Variants in CPZ observed in about 807,000 individuals in gnomAD.
The protein encoded by CPZ is VEZT/CPZ fusion.
A neutral mutation model predicts 61.8 loss-of-function variants in CPZ; 103 were observed. That is an observed-to-expected ratio of 1.67 (90% CI 1.42 to 1.96). The LOEUF is 1.96. Ranked by LOEUF, CPZ falls within the 30% of genes most tolerant of loss-of-function variation. The pLI is 0.00. For missense variants in CPZ, 1,461 were observed against 914.9 expected (o/e 1.60, Z -7.70); for synonymous variants, 551 against 373.7 (o/e 1.47, Z -5.47).
At chr4:8,603,937 G>T in intron 3 of CPZ, 39 bp from the exon 4 acceptor site, 1 of 1,582,604 alleles carries the variant, frequency 6.3e-7, no homozygotes. Context: ...GGAAGCCTGG[G>T]GGCCTGACAC....
rs1164190173 is a variant in CPZ, at chr4:8,618,507, A to T, written c.1582A>T (p.Ile528Phe). 6.2e-7 allele frequency: 1 copy of T among 1,614,018 alleles called. No individual in the cohort carries two copies. Among genetic ancestry groups the T allele is most frequent in the East Asian group, 2.2e-5 (1 of 44,872 alleles). Residue 528 changes from isoleucine to phenylalanine, a missense_variant, in exon 10 of 11, where the codon ATT becomes TTT. Physicochemically the swap from Ile to Phe is conservative, Grantham distance 21. Transcript: ENST00000360986. ...VKNARISVKGIRHDITTAPDG... is the reference protein window; with the variant it reads ...VKNARISVKGFRHDITTAPDG... ...AAACGCCCGGATCTCAGTCAAAGGC[A>T]TTCGCCACGACATCACCACAGGTGA...
Position 8,619,542 on chromosome 4 carries a change from C to T in CPZ, c.1884C>T (p.Asp628=), listed in dbSNP as rs61734024. Residue 628 remains aspartate, a synonymous_variant, in exon 11 of 11, where the codon GAC becomes GAT. Transcript: ENST00000360986. ...GGGCGCGCAGGCAGCCCTCGGCCGACGGGAGTAAGCCCTGGTGGTGGTCCT... is the reference window on the plus strand; with the variant it reads ...GGGCGCGCAGGCAGCCCTCGGCCGATGGGAGTAAGCCCTGGTGGTGGTCCT... ...PLRARRQPSA[D]GSKPWWWSYF... is the part of the protein sequence containing the mutation. 21,369 of 1,570,306 alleles carry T rather than the reference C, an allele frequency of 0.014. 178 individuals are homozygous for T. Among genetic ancestry groups the T allele is most frequent in the Middle Eastern group, 0.037 (214 of 5,714 alleles).
chr4:8,608,477 G>C (rs927595396), intron 7 of CPZ, among the ~76,000 whole-genome samples: 2 of 152,202 alleles, frequency 1.3e-5, no homozygotes, highest in Non-Finnish European at 2.9e-5. Context: ...TTGGCACTCA[G>C]GTATCAGCCC....
chr4:8,618,139 C>T (rs1242506284), intron 9 of CPZ: 5 of 413,524 alleles, frequency 1.2e-5, no homozygotes, highest in African/African-American at 8.1e-5. Flanking sequence ...GGAAAGGGTT[C>T]TCTGCTCAAT....
rs1158986254 is a variant in CPZ, at chr4:8,612,125, C to A, written c.1326C>A (p.Ser442Arg). 1 of 1,590,472 alleles carries A rather than the reference C, an allele frequency of 6.3e-7. No homozygotes were observed. The highest frequency in any genetic ancestry group is 1.1e-5 in the South Asian group (1 of 90,350). Residue 442 changes from serine (S) to arginine (R), a missense_variant, in exon 8 of 11, where the codon AGC becomes AGA. Coordinates refer to ENST00000360986, the MANE Select transcript of CPZ (RefSeq NM_001014447.3). ...GAGGCAATTTCCTGAAGAGGGGGAG[C>A]ATCATCAACGGGGCGGACTGGTACA... ...RCGGNFLKRG[S>R]IINGADWYSF...
chr4:8,617,233 A>C (rs936088780), intron 9 of CPZ, among the ~76,000 whole-genome samples: 4 of 152,254 alleles, frequency 2.6e-5, no homozygotes, highest in African/African-American at 9.6e-5. Context: ...GTCCTGCAGA[A>C]GCCAGAGCTG....
chr4:8,613,445 C>A (rs929727878), intron 8 of CPZ, among the ~76,000 whole-genome samples: 1 of 152,184 alleles, frequency 6.6e-6, no homozygotes, highest in African/African-American at 2.4e-5. Context: ...CCCTCTTGCC[C>A]CTGATACGGC....
In CPZ at chr4:8,593,570, A is replaced by T. The variant is rs374001826; in HGVS notation, c.88+649A>T. Reference sequence around the variant, plus strand: ...GGATCCTGGGCTCCCGTCTGGCCTCACGGCCTCTCCAGGTGTGGGGGTGCA... The same window carrying T: ...GGATCCTGGGCTCCCGTCTGGCCTCTCGGCCTCTCCAGGTGTGGGGGTGCA... On this transcript the variant is annotated intron_variant, in intron 1 of 10. Transcript: ENST00000360986. 1.1e-4 allele frequency among the ~76,000 whole-genome samples: 16 copies of T among 152,284 alleles called. No homozygotes were observed. The East Asian group carries it at 2.7e-3, about 26-fold the overall frequency.
chr4:8,618,571 A>T, intron 10 of CPZ, 43 bp downstream of exon 10: 1 of 1,584,248 alleles, frequency 6.3e-7, no homozygotes, highest in Non-Finnish European at 8.6e-7. Context: ...ACGTCTGCCA[A>T]GGAAATGCCA....
chr4:8,593,410 G>A (rs964539764), intron 1 of CPZ, among the ~76,000 whole-genome samples: 17 of 152,230 alleles, frequency 1.1e-4, no homozygotes, highest in South Asian at 8.3e-4. Flanking sequence ...GCTGGGAGGG[G>A]GCGTGGGCCC....
intron 7 of CPZ, among the ~76,000 whole-genome samples, chr4:8,608,892 G>A (rs1288947988): frequency 1.3e-5 from 2 of 152,168 alleles, no homozygotes; most frequent in Admixed American, 1.3e-4. Context: ...CAGCAGGAAT[G>A]GGGAGAGCAA....
At chr4:8,612,628 C>G (rs1475380142) in intron 8 of CPZ, among the ~76,000 whole-genome samples, 1 of 152,196 alleles carries the variant, frequency 6.6e-6, no homozygotes, top group African/African-American at 2.4e-5. Context: ...TCTCTGGAGC[C>G]CGACTTGAAG....
intron 7 of CPZ, among the ~76,000 whole-genome samples, chr4:8,608,422 C>G (rs998844308): frequency 6.6e-6 from 1 of 152,188 alleles, no homozygotes; most frequent in Non-Finnish European, 1.5e-5. Context: ...ATCGTTTGTT[C>G]TCCTTTCTGA....
intron 9 of CPZ, chr4:8,617,995 C>T (rs746921635): frequency 1.9e-4 from 37 of 199,062 alleles, no homozygotes; most frequent in Non-Finnish European, 3.3e-4. Context: ...GCTGCTCGAG[C>T]GAGGGTCCGA....
At chr4:8,616,276 G>A (rs1391940934) in intron 9 of CPZ, among the ~76,000 whole-genome samples, 1 of 152,172 alleles carries the variant, frequency 6.6e-6, no homozygotes, top group Non-Finnish European at 1.5e-5. Flanking sequence ...TACATCACCT[G>A]GGGCGAGGGG....
chr4:8,604,671 A>G (rs576813135), intron 4 of CPZ, among the ~76,000 whole-genome samples: 20 of 152,216 alleles, frequency 1.3e-4, no homozygotes, highest in Admixed American at 1.1e-3. Flanking sequence ...TAGTAGAGAC[A>G]GGGGTTTCAC....
Position 8,606,201 on chromosome 4 carries a change from C to T in CPZ, c.906+16C>T, listed in dbSNP as rs898613119. ...AGCTGCCGAGGTGAGCGCCCAGATGCCTGGATCCTGTGGGCCACCGCCCGA... is the reference window on the plus strand; with the variant it reads ...AGCTGCCGAGGTGAGCGCCCAGATGTCTGGATCCTGTGGGCCACCGCCCGA... On this transcript the variant is annotated intron_variant, in intron 5 of 10. Transcript: ENST00000360986. The T allele has an allele frequency of 3.1e-6, 5 of 1,606,654 alleles. No homozygotes were observed. In the African/African-American group the frequency reaches 6.7e-5, roughly 21 times the overall value.
chr4:8,619,325 C>T lies in CPZ; in HGVS notation c.1667C>T (p.Pro556Leu), dbSNP rs747641629. 1 of 1,614,124 alleles carries T rather than the reference C, an allele frequency of 6.2e-7. No individual in the cohort carries two copies. The highest frequency in any genetic ancestry group is 1.1e-5 in the South Asian group (1 of 91,054). The change falls in exon 11 of 11, where the codon CCT becomes CTT. Residue 556 changes from proline to leucine, a missense_variant. Physicochemically the swap from Pro to Leu is moderately conservative, Grantham distance 98. Transcript: ENST00000360986. ...ATCCACATTGTCATTGCCCAAGCCC[C>T]TGGCTACGCCAAAGTCATCAAGAAA... ...PGIHIVIAQA[P>L]GYAKVIKKVI...
At chr4:8,618,087 G>A (rs1359145401) in intron 9 of CPZ, 1 of 316,388 alleles carries the variant, frequency 3.2e-6, no homozygotes, top group African/African-American at 2.1e-5. Context: ...CGCTGGGGCT[G>A]GGAAGGCAGG....
Sources: gnomAD v4.1 joint callset for allele counts (sites outside exome capture counted in the v4.1 genomes callset) on GRCh38, gnomAD v4.1.1 for gene constraint, MANE v1.5 for transcripts, NCBI Gene and HGNC (gene_info 2026-07-23, HGNC 2026-07-21) for gene names.